Variants in CSNK1G1 observed in about 807,000 individuals in gnomAD.
CSNK1G1 encodes casein kinase 1 gamma 1.
Under a neutral mutation model 59.6 loss-of-function variants are expected in CSNK1G1, and 22 were observed. The ratio of observed to expected loss-of-function variants is 0.37; its 90% confidence interval spans 0.26 to 0.53. The LOEUF (loss-of-function observed/expected upper bound fraction) is 0.53, where lower values mean the gene tolerates loss of function less well. Among genes scored for constraint, CSNK1G1 ranks in the 20% least tolerant of loss-of-function variants. The probability of loss-of-function intolerance (pLI) is 0.89; values close to 1 mark genes in which losing one functional copy is unlikely to be tolerated. For missense variants in CSNK1G1, 384 were observed against 519.5 expected (o/e 0.74, Z 2.54); for synonymous variants, 179 against 177.1 (o/e 1.01, Z -0.08).
chr15:64,267,362 A>T (rs906117489), intron 2 of CSNK1G1, among the ~76,000 whole-genome samples: 3 of 152,160 alleles, frequency 2.0e-5, no homozygotes, highest in Admixed American at 1.3e-4. Context: ...GTTTCTCAAC[A>T]GAGTGAAGAG....
intron 1 of CSNK1G1, among the ~76,000 whole-genome samples, chr15:64,351,063 T>C (rs1340892050): frequency 1.3e-5 from 2 of 152,204 alleles, no homozygotes; most frequent in African/African-American, 4.8e-5. Context: ...AAGCAGTTTC[T>C]ATCAATATGT....
At chr15:64,345,290 T>A (rs1897892908) in intron 1 of CSNK1G1, among the ~76,000 whole-genome samples, 1 of 152,216 alleles carries the variant, frequency 6.6e-6, no homozygotes, top group African/African-American at 2.4e-5. Context: ...GAGACAGAAT[T>A]GAAAATATTC....
At chr15:64,350,362 G>A (rs2140492513) in intron 1 of CSNK1G1, among the ~76,000 whole-genome samples, 1 of 151,988 alleles carries the variant, frequency 6.6e-6, no homozygotes, top group East Asian at 1.9e-4. Flanking sequence ...TTAGCCGGGT[G>A]TGGTGGCAGG....
At chr15:64,272,001 G>GTAAT (rs1433685082) in intron 2 of CSNK1G1, among the ~76,000 whole-genome samples, 1 of 152,148 alleles carries the variant, frequency 6.6e-6, no homozygotes, top group African/African-American at 2.4e-5. Flanking sequence ...TTACCACTAT[G>GTAAT]TAATGTCCTT....
intron 4 of CSNK1G1, among the ~76,000 whole-genome samples, chr15:64,230,699 G>A (rs1182149053): frequency 1.3e-5 from 2 of 152,206 alleles, no homozygotes; most frequent in Non-Finnish European, 2.9e-5. Context: ...GCAGCCGGGT[G>A]CAGTGGCTCA....
chr15:64,345,789 A>G (rs1019242079), intron 1 of CSNK1G1, among the ~76,000 whole-genome samples: 1 of 151,522 alleles, frequency 6.6e-6, no homozygotes, highest in African/African-American at 2.4e-5. Flanking sequence ...TGTAGAATAG[A>G]AAAAAAAACT....
intron 1 of CSNK1G1, among the ~76,000 whole-genome samples, chr15:64,354,247 C>T (rs1314083861): frequency 2.6e-5 from 4 of 151,926 alleles, no homozygotes; most frequent in African/African-American, 9.7e-5. Context: ...AGAGGTTGCA[C>T]TGAGCCGAGA....
At chr15:64,310,451 C>T (rs1895930544) in intron 1 of CSNK1G1, among the ~76,000 whole-genome samples, 2 of 151,606 alleles carry the variant, frequency 1.3e-5, no homozygotes, top group Non-Finnish European at 2.9e-5. Flanking sequence ...CACGGTGGCT[C>T]ATACCTATAA....
At chr15:64,243,134 G>A (rs1449622104) in intron 4 of CSNK1G1, among the ~76,000 whole-genome samples, 2 of 152,178 alleles carry the variant, frequency 1.3e-5, no homozygotes, top group East Asian at 1.9e-4. Flanking sequence ...TCAAGAGATC[G>A]AGACTATCCT....
chr15:64,301,874 G>A (rs1446737948), intron 1 of CSNK1G1, among the ~76,000 whole-genome samples: 1 of 151,642 alleles, frequency 6.6e-6, no homozygotes, highest in African/African-American at 2.4e-5. Flanking sequence ...GTGACAGAGT[G>A]AGACTCCGTC....
intron 10 of CSNK1G1, among the ~76,000 whole-genome samples, chr15:64,191,154 C>T (rs1226923776): frequency 2.6e-5 from 4 of 152,102 alleles, no homozygotes; most frequent in Non-Finnish European, 5.9e-5. Flanking sequence ...CTCCGCCTCC[C>T]GAGTTCACGT....
chr15:64,336,765 C>T (rs558045030), intron 1 of CSNK1G1, among the ~76,000 whole-genome samples: 9 of 152,120 alleles, frequency 5.9e-5, no homozygotes, highest in South Asian at 2.1e-4. Flanking sequence ...GTTTTAGTCA[C>T]GATTCTATGG....
intron 2 of CSNK1G1, among the ~76,000 whole-genome samples, chr15:64,264,380 T>TAA (rs1386590283): frequency 6.6e-6 from 1 of 152,104 alleles, no homozygotes; most frequent in African/African-American, 2.4e-5. Context: ...GAAGCAATGA[T>TAA]AAAGACTCCC....
At chr15:64,249,622 C>T (rs1012628590) in intron 4 of CSNK1G1, among the ~76,000 whole-genome samples, 1 of 152,210 alleles carries the variant, frequency 6.6e-6, no homozygotes, top group African/African-American at 2.4e-5. Flanking sequence ...CCTATTCCCA[C>T]TCATGACAAT....
chr15:64,241,897 A>G (rs958337243), intron 4 of CSNK1G1, among the ~76,000 whole-genome samples: 1 of 152,062 alleles, frequency 6.6e-6, no homozygotes, highest in Admixed American at 6.5e-5. Flanking sequence ...GTTGCAAAAG[A>G]TCAATGAAAC....
rs9972385 is a variant in CSNK1G1, at chr15:64,322,933, T to C, written c.-224-22210A>G. On this transcript the variant is annotated intron_variant, in intron 1 of 11. Transcript: ENST00000303052. ...CACTTTTACATTCCTCGTTTTGTTT[T>C]TGGGTTGTTTTTTTTTTTCCTCGCT... 4.3e-3 allele frequency among the ~76,000 whole-genome samples: 654 copies of C among 152,094 alleles called. 2 individuals carry two copies. Among genetic ancestry groups the C allele is most frequent in the Admixed American group, 8.3e-3 (127 of 15,278 alleles).
intron 10 of CSNK1G1, among the ~76,000 whole-genome samples, chr15:64,202,348 C>A (rs2082119457): frequency 1.3e-5 from 2 of 152,050 alleles, no homozygotes; most frequent in South Asian, 4.1e-4. Flanking sequence ...AGATGAGACC[C>A]AAAGTGGGCT....
chr15:64,256,714 T>G (rs1252616582), intron 3 of CSNK1G1, among the ~76,000 whole-genome samples: 4 of 152,176 alleles, frequency 2.6e-5, no homozygotes, highest in Non-Finnish European at 4.4e-5. Context: ...TACACTATTT[T>G]GTTTACTTTG....
At position 64,300,440 on chromosome 15, in the gene CSNK1G1, T is replaced by C. The variant is rs1047093460; in HGVS notation, c.60A>G (p.Gln20=). 6.2e-7 allele frequency: 1 copy of C among 1,614,020 alleles called. No individual in the cohort carries two copies. Among genetic ancestry groups the C allele is most frequent in the African/African-American group, 1.3e-5 (1 of 74,924 alleles). ...ERQRTTKPMA[Q]RSAHCSRPSG... ...ATGGTCGAGAGCAGTGTGCACTCCT[T>C]TGTGCCATGGGTTTAGTTGTCCGTT... is the stretch of plus-strand genomic sequence containing the variant. The change falls in exon 2 of 12, where the codon CAA becomes CAG. Residue 20 remains glutamine, a synonymous_variant. Transcript: ENST00000303052.
Sources: allele counts gnomAD v4.1 joint callset (sites outside exome capture counted in the v4.1 genomes callset), GRCh38; gene constraint gnomAD v4.1.1; transcripts MANE v1.5; gene names NCBI Gene and HGNC (gene_info 2026-07-23, HGNC 2026-07-21).